Variants in TRNT1 observed in about 807,000 individuals in gnomAD.
TRNT1 encodes the protein tRNA nucleotidyl transferase 1.
Under a neutral mutation model 45.6 loss-of-function variants are expected in TRNT1, and 44 were observed. The observed-to-expected ratio is 0.97, with a 90% confidence interval of 0.76 to 1.24. The LOEUF (loss-of-function observed/expected upper bound fraction) is 1.24, where lower values mean the gene tolerates loss of function less well. TRNT1 is among the 50% of genes most tolerant of loss of function. TRNT1 has a pLI of 0.00. For missense variants in TRNT1, 633 were observed against 504.4 expected, an observed-to-expected ratio of 1.25 and a Z score of -2.44; for synonymous variants, 201 against 171.4, an observed-to-expected ratio of 1.17 and a Z score of -1.35.
intron 2 of TRNT1, among the ~76,000 whole-genome samples, chr3:3,133,990 G>A (rs555657849): frequency 2.0e-5 from 3 of 152,254 alleles, no homozygotes; most frequent in South Asian, 2.1e-4. Flanking sequence ...ACACATTAAT[G>A]TATGGTCTTT....
chr3:3,147,403 T>A (rs752226492), intron 6 of TRNT1, 47 bp from the exon 7 acceptor site: 99 of 1,600,270 alleles, frequency 6.2e-5, no homozygotes, highest in Non-Finnish European at 7.8e-5. Context: ...TATGAGTGGT[T>A]TTTTATCCCC....
At chr3:3,130,102 C>T in intron 2 of TRNT1, 3 of 787,698 alleles carry the variant, frequency 3.8e-6, no homozygotes, top group Non-Finnish European at 2.0e-6. Context: ...GTTGCTAAAG[C>T]AGCCACACAG....
At chr3:3,142,777 T>G (rs541600171) in intron 4 of TRNT1, among the ~76,000 whole-genome samples, 1 of 152,346 alleles carries the variant, frequency 6.6e-6, no homozygotes, top group East Asian at 1.9e-4. Context: ...GTCTCTTCAT[T>G]AGGAGAAATA....
At chr3:3,146,024 T>G (rs1705994905) in intron 5 of TRNT1, among the ~76,000 whole-genome samples, 2 of 151,252 alleles carry the variant, frequency 1.3e-5, no homozygotes, top group South Asian at 4.2e-4. Context: ...GAATTCAGAC[T>G]ACTCTGTTAA....
At chr3:3,137,875 C>T (rs1410101212) in intron 3 of TRNT1, among the ~76,000 whole-genome samples, 1 of 152,132 alleles carries the variant, frequency 6.6e-6, no homozygotes, top group East Asian at 1.9e-4. Context: ...TTGTTTACAG[C>T]CAGATTGTGG....
downstream of TRNT1, chr3:3,149,399 C>CATTTTCAGT (rs1284520037): frequency 6.6e-6 from 1 of 151,876 alleles, no homozygotes; most frequent in Non-Finnish European, 1.5e-5. Flanking sequence ...TGTGTAAAAC[C>CATTTTCAGT]ATTTTCAGTA....
chr3:3,151,291 A>G (rs187654471), downstream of TRNT1, among the ~76,000 whole-genome samples: 6 of 152,304 alleles, frequency 3.9e-5, no homozygotes, highest in East Asian at 7.7e-4. Context: ...CATAGAAATA[A>G]AGAGTAATCT....
intron 1 of TRNT1, chr3:3,127,322 C>T (rs1370880154): frequency 6.6e-6 from 1 of 152,260 alleles, no homozygotes; most frequent in Non-Finnish European, 1.5e-5. Flanking sequence ...TGGGGTTCCC[C>T]AGAGCGTTTT....
At chr3:3,152,425 A>C, downstream of TRNT1, 1 of 1,599,528 alleles carries the variant, frequency 6.3e-7, no homozygotes, top group Non-Finnish European at 8.5e-7. Flanking sequence ...TAAAAAAAGA[A>C]AAAAAAAAGC....
chr3:3,129,198 T>A lies in TRNT1; in HGVS notation c.148+10T>A. On this transcript the variant is annotated intron_variant, in intron 2 of 7. Transcript: ENST00000251607. ...CTGAAGAGTCTGACAGGTGAGAGAT[T>A]AGGATACCTTTTCTTGATTGGAAAC... 6.2e-7 allele frequency: 1 copy of A among 1,613,260 alleles called. No individual in the cohort carries two copies.
chr3:3,140,405 C>A, intron 3 of TRNT1, 105 bp from the exon 4 acceptor site: 2 of 1,083,150 alleles, frequency 1.8e-6, no homozygotes, highest in South Asian at 1.6e-5. Context: ...ACTGTCAGGG[C>A]TTATAGTACC....
intron 4 of TRNT1, among the ~76,000 whole-genome samples, chr3:3,141,379 ACTAT>A (rs1369123563): frequency 6.6e-6 from 1 of 152,140 alleles, no homozygotes; most frequent in African/African-American, 2.4e-5. Context: ...TTTCCTTTGC[ACTAT>A]CTTTCATGCA....
At chr3:3,153,207 C>A, downstream of TRNT1, 1 of 495,334 alleles carries the variant, frequency 2.0e-6, no homozygotes, top group Non-Finnish European at 3.7e-6. Flanking sequence ...TTTACTTTAC[C>A]ATGCTCATTA....
intron 3 of TRNT1, among the ~76,000 whole-genome samples, 176 bp downstream of exon 3, chr3:3,137,629 C>T (rs533760893): frequency 1.3e-5 from 2 of 152,206 alleles, no homozygotes; most frequent in Admixed American, 1.3e-4. Context: ...TTTATGTTAC[C>T]TCTCCATTTC....
At chr3:3,137,511 A>C in intron 3 of TRNT1, 58 bp downstream of exon 3, 1 of 1,426,150 alleles carries the variant, frequency 7.0e-7, no homozygotes, top group Non-Finnish European at 9.5e-7. Context: ...TTAAAAACTT[A>C]ATTTTCTCTA....
chr3:3,149,299 C>T (rs1706304365), downstream of TRNT1: 1 of 151,936 alleles, frequency 6.6e-6, no homozygotes, highest in African/African-American at 2.4e-5. Flanking sequence ...TAAGTACTGC[C>T]AAAATACAGA....
chr3:3,128,578 G>C (rs1020996321), intron 1 of TRNT1, among the ~76,000 whole-genome samples: 1 of 121,784 alleles, frequency 8.2e-6, no homozygotes, highest in Non-Finnish European at 1.6e-5. Flanking sequence ...CCGCCTGAGC[G>C]ACAGAGCGAG....
chr3:3,144,561 C>T (rs765046482), intron 4 of TRNT1, 23 bp from the exon 5 acceptor site: 11 of 1,563,388 alleles, frequency 7.0e-6, no homozygotes, highest in Non-Finnish European at 9.6e-6. Flanking sequence ...AGTGATTTTT[C>T]TCCCTCCTTT....
At chr3:3,137,025 G>C (rs577806833) in intron 2 of TRNT1, among the ~76,000 whole-genome samples, 2 of 152,242 alleles carry the variant, frequency 1.3e-5, no homozygotes, top group African/African-American at 4.8e-5. Flanking sequence ...ATTATCTTCT[G>C]AATAAGCAAA....
Sources: allele counts gnomAD v4.1 joint callset (sites outside exome capture counted in the v4.1 genomes callset), GRCh38; gene constraint gnomAD v4.1.1; transcripts MANE v1.5; gene names NCBI Gene and HGNC (gene_info 2026-07-23, HGNC 2026-07-21).